The following RBFOX1 variants were observed in gnomAD, a reference collection of about 807,000 sequenced individuals.
RBFOX1 encodes the protein RNA binding fox-1 homolog 1.
Under a neutral mutation model 57.7 loss-of-function variants are expected in RBFOX1, and 8 were observed. The observed-to-expected ratio is 0.14, with a 90% CI of 0.08 to 0.25. The LOEUF is 0.25. Among genes scored for constraint, RBFOX1 ranks in the 10% least tolerant of loss-of-function variants. The pLI is 1.00. For missense variants in RBFOX1, 611 were observed against 548.5 expected, an observed-to-expected ratio of 1.11 and a Z score of -1.14; for synonymous variants, 326 against 222.4, an observed-to-expected ratio of 1.47 and a Z score of -4.15.
At chr16:5,880,954 T>C (rs950353603) in intron 4 of RBFOX1, among the ~76,000 whole-genome samples, 2 of 152,238 alleles carry the variant, frequency 1.3e-5, no homozygotes, top group African/African-American at 4.8e-5. Context: ...TTTTGAGATA[T>C]CTGTGACAAT....
chr16:5,618,988 C>T (rs575977608), intron 3 of RBFOX1, among the ~76,000 whole-genome samples: 6 of 152,246 alleles, frequency 3.9e-5, no homozygotes, highest in East Asian at 1.9e-4. Flanking sequence ...TCCTTTGCTC[C>T]GGTGGTTCCA....
At chr16:5,573,651 T>C (rs1039419540) in intron 2 of RBFOX1, among the ~76,000 whole-genome samples, 2 of 152,128 alleles carry the variant, frequency 1.3e-5, no homozygotes, top group Admixed American at 6.5e-5. Flanking sequence ...CGTCCAGGCA[T>C]CCCAAGGCTC....
At chr16:7,372,820 C>CAG (rs922568967) in intron 4 of RBFOX1, among the ~76,000 whole-genome samples, 2 of 151,118 alleles carry the variant, frequency 1.3e-5, no homozygotes, top group African/African-American at 4.9e-5. Context: ...GAGCAGGAGA[C>CAG]AGAGAGAGAG....
At chr16:7,017,215 G>C (rs2093960807) in intron 3 of RBFOX1, among the ~76,000 whole-genome samples, 1 of 152,152 alleles carries the variant, frequency 6.6e-6, no homozygotes, top group Admixed American at 6.5e-5. Flanking sequence ...TTTCCCTTCA[G>C]GGAATGGGAG....
In RBFOX1 at chr16:6,019,657, C is replaced by T. The variant is rs2095029215; in HGVS notation, c.-462C>T. The T allele has an allele frequency of 1.5e-6, 2 of 1,302,286 alleles. No homozygotes were observed. The highest frequency in any genetic ancestry group is 4.6e-5 in the South Asian group (2 of 43,436). 80.7% of individuals were successfully genotyped at this position (1,302,286 alleles called of 1,614,324 possible). A position where few individuals can be genotyped will look rare whatever the true frequency, so the allele number is the denominator to read the frequency against. On this transcript the variant is annotated 5_prime_UTR_variant, in exon 1 of 16. Coordinates refer to ENST00000550418, the MANE Select transcript of RBFOX1 (RefSeq NM_018723.4). The surrounding 1 kb of genome is among the most constrained non-coding windows in gnomAD (Gnocchi z 4.2). ...GGAGGGGACAGCCAGCCGTGGGCCC[C>T]GCCCCGGCGTCCGGAGCAGGAGAAC...
At chr16:5,675,977 G>C (rs1221328765) in intron 3 of RBFOX1, among the ~76,000 whole-genome samples, 2 of 152,070 alleles carry the variant, frequency 1.3e-5, no homozygotes, top group African/African-American at 2.4e-5. Flanking sequence ...TTATTAGAGG[G>C]ATCATTTAAA....
At chr16:7,237,830 A>T (rs112536385) in intron 4 of RBFOX1, among the ~76,000 whole-genome samples, 1,758 of 152,230 alleles carry the variant, frequency 0.012, 20 homozygotes, top group Middle Eastern at 0.02. Flanking sequence ...ACGTGGTGAA[A>T]ACTCAACTAC....
chr16:5,951,597 G>A lies in RBFOX1; in HGVS notation c.351+84262G>A, dbSNP rs138596236. Among the ~76,000 whole-genome samples, 97 of 152,068 alleles carry A rather than the reference G, an allele frequency of 6.4e-4. 1 individual carries two copies. Among genetic ancestry groups the A allele is most frequent in the East Asian group, 5.0e-3 (26 of 5,160 alleles). ...GCTGGTTATATGCAGATGTTGGAGC[G>A]TAATGTTAAAAAGAGTACTCCAGAA... is the stretch of plus-strand genomic sequence containing the variant. On this transcript the variant is annotated intron_variant, in intron 4 of 19. Transcript: ENST00000641259.
intron 3 of RBFOX1, among the ~76,000 whole-genome samples, chr16:6,819,072 G>T (rs965927559): frequency 6.6e-6 from 1 of 152,178 alleles, no homozygotes; most frequent in African/African-American, 2.4e-5. Flanking sequence ...AATGAGTTCT[G>T]TCTGAATCCA....
intron 5 of RBFOX1, among the ~76,000 whole-genome samples, chr16:7,577,345 C>T (rs553613470): frequency 2.1e-4 from 32 of 152,236 alleles, no homozygotes; most frequent in Non-Finnish European, 4.1e-4. Context: ...CCTGCCTTCC[C>T]TTCATACATG....
intron 4 of RBFOX1, among the ~76,000 whole-genome samples, chr16:7,093,772 C>T (rs888500957): frequency 1.3e-5 from 2 of 152,050 alleles, no homozygotes; most frequent in Admixed American, 1.3e-4. Flanking sequence ...TTGATCAGTA[C>T]TTTTTTGTGT....
chr16:6,246,114 A>G (rs2097567740), intron 1 of RBFOX1, among the ~76,000 whole-genome samples: 1 of 152,188 alleles, frequency 6.6e-6, no homozygotes, highest in Admixed American at 6.5e-5. Flanking sequence ...CAAAACCCAA[A>G]TGACTGTAGG....
chr16:7,595,275 T>C (rs1175153264), intron 7 of RBFOX1, among the ~76,000 whole-genome samples: 1 of 152,256 alleles, frequency 6.6e-6, no homozygotes, highest in Non-Finnish European at 1.5e-5. Context: ...GTTAGATTTA[T>C]TTTCTTCTGT....
intron 2 of RBFOX1, among the ~76,000 whole-genome samples, chr16:5,589,094 A>C (rs1463230433): frequency 6.6e-6 from 1 of 152,156 alleles, no homozygotes; most frequent in Non-Finnish European, 1.5e-5. Context: ...GTGGGGTGGG[A>C]AGAAACCGCC....
At chr16:6,857,212 G>A (rs1416714376) in intron 3 of RBFOX1, among the ~76,000 whole-genome samples, 1 of 152,100 alleles carries the variant, frequency 6.6e-6, no homozygotes, top group Admixed American at 6.5e-5. Flanking sequence ...CTCTCTCTAC[G>A]CTGATATATA....
At chr16:6,238,401 A>G (rs1345604510) in intron 1 of RBFOX1, among the ~76,000 whole-genome samples, 2 of 152,132 alleles carry the variant, frequency 1.3e-5, no homozygotes, top group Non-Finnish European at 2.9e-5. Flanking sequence ...TTTATTTCTG[A>G]TACTGGAGAA....
At chr16:6,471,960 C>T (rs536763708) in intron 2 of RBFOX1, among the ~76,000 whole-genome samples, 8 of 152,316 alleles carry the variant, frequency 5.3e-5, no homozygotes, top group Admixed American at 4.6e-4. Flanking sequence ...CTCTGTCTGG[C>T]TCTGGGGCCA....
chr16:7,310,387 G>C (rs1462918708), intron 4 of RBFOX1, among the ~76,000 whole-genome samples: 1 of 152,140 alleles, frequency 6.6e-6, no homozygotes, highest in Non-Finnish European at 1.5e-5. Context: ...ATTGATCCCG[G>C]CTAAAAAAGT....
intron 7 of RBFOX1, 66 bp downstream of exon 7, chr16:7,587,366 A>G: frequency 7.0e-7 from 1 of 1,418,904 alleles, no homozygotes; most frequent in African/African-American, 1.4e-5. Flanking sequence ...GAATAAGGGG[A>G]AACAACTGCA....
Sources: gnomAD v4.1 joint callset for allele counts (sites outside exome capture counted in the v4.1 genomes callset) on GRCh38, gnomAD v4.1.1 for gene constraint, Gnocchi (gnomAD v3.1) non-coding constraint, MANE v1.5 for transcripts, NCBI Gene and HGNC (gene_info 2026-07-23, HGNC 2026-07-21) for gene names.